TAF3: variants seen among roughly 807,000 people sequenced by gnomAD.
The protein encoded by TAF3 is transcription initiation factor TFIID subunit 3.
In TAF3, 7 loss-of-function variants were observed where a neutral mutation model predicts 80.6. The ratio of observed to expected loss-of-function variants is 0.09; its 90% CI spans 0.05 to 0.16. The LOEUF (loss-of-function observed/expected upper bound fraction) is 0.16, where lower values mean the gene tolerates loss of function less well. Among genes scored for constraint, TAF3 ranks in the 10% least tolerant of loss-of-function variants. The pLI is 1.00. For synonymous variants in TAF3, 444 were observed against 446.1 expected (o/e 1.00, Z 0.06); for missense variants, 921 against 1,140.2 (o/e 0.81, Z 2.77).
intron 4 of TAF3, among the ~76,000 whole-genome samples, chr10:7,978,530 G>A (rs187519395): frequency 7.3e-4 from 111 of 152,298 alleles, no homozygotes; most frequent in African/African-American, 2.6e-3. Flanking sequence ...GGTTGTGCCA[G>A]TAGAGACCTA....
chr10:7,840,097 T>C (rs1259892634), intron 2 of TAF3, among the ~76,000 whole-genome samples: 1 of 152,096 alleles, frequency 6.6e-6, no homozygotes, highest in African/African-American at 2.4e-5. Flanking sequence ...ATTTTTTTTT[T>C]AAGTTTTAAT....
intron 2 of TAF3, among the ~76,000 whole-genome samples, chr10:7,906,863 G>A (rs577234778): frequency 7.9e-5 from 12 of 151,216 alleles, no homozygotes; most frequent in East Asian, 2.0e-4. Flanking sequence ...GACTGCAGGC[G>A]TGCACCACCA....
intron 2 of TAF3, among the ~76,000 whole-genome samples, chr10:7,861,714 C>T (rs935753046): frequency 6.6e-6 from 1 of 152,026 alleles, no homozygotes; most frequent in Non-Finnish European, 1.5e-5. Flanking sequence ...TTTTCTGTTG[C>T]TGCTTTCAGG....
intron 2 of TAF3, among the ~76,000 whole-genome samples, chr10:7,875,765 G>A (rs998867791): frequency 6.6e-6 from 1 of 152,026 alleles, no homozygotes; most frequent in Admixed American, 6.6e-5. Context: ...AAAAGAAAGA[G>A]GAGAAATCTT....
intron 4 of TAF3, 143 bp downstream of exon 4, chr10:7,977,466 A>C: frequency 1.5e-6 from 1 of 659,222 alleles, no homozygotes; most frequent in East Asian, 2.8e-5. Flanking sequence ...CTTCGTTTTC[A>C]AGTTTTTATT....
chr10:8,003,834 C>T (rs1168206584), intron 4 of TAF3, among the ~76,000 whole-genome samples: 1 of 151,966 alleles, frequency 6.6e-6, no homozygotes, highest in East Asian at 1.9e-4. Context: ...TTGCTTGAGC[C>T]CAGGAGTTCA....
Position 7,863,626 on chromosome 10 carries a change from A to ATAT in TAF3, c.409+39066_409+39067insTAT, listed in dbSNP as rs1554778359. On this transcript the variant is annotated intron_variant, in intron 2 of 6. Coordinates refer to ENST00000344293, the MANE Select transcript of TAF3 (RefSeq NM_031923.4). ...CTCTGTCTAAAAAAAAAAAAAAAAA[A>ATAT]ATATATATATATATATATATACACA... Among the ~76,000 whole-genome samples, 184 of 48,086 alleles carry ATAT rather than the reference A, an allele frequency of 3.8e-3. 28 individuals are homozygous for ATAT. The highest frequency in any genetic ancestry group is 0.012 in the African/African-American group (161 of 12,902). 31.5% of individuals were successfully genotyped at this position (48,086 alleles called of 152,430 possible).
chr10:7,963,786 T>TA, intron 2 of TAF3, 134 bp from the exon 3 acceptor site: 2 of 921,042 alleles, frequency 2.2e-6, no homozygotes, highest in East Asian at 5.4e-5. Context: ...TGTGCCCATG[T>TA]ACCCTAGAAC....
In TAF3 at chr10:8,003,779, C is replaced by T. The variant is rs376728822; in HGVS notation, c.2316-5299C>T. On this transcript the variant is annotated intron_variant, in intron 4 of 6. Transcript: ENST00000344293. ...TGCCAGTCTTGGCCAGGCACAGTGGCATGCGCCTGTAATCCCAGCTATTAG... is the reference window on the plus strand; with the variant it reads ...TGCCAGTCTTGGCCAGGCACAGTGGTATGCGCCTGTAATCCCAGCTATTAG... 1.4e-4 allele frequency among the ~76,000 whole-genome samples: 22 copies of T among 152,288 alleles called. No homozygotes were observed. The South Asian group carries it at 4.6e-3, about 32-fold the overall frequency.
chr10:7,995,358 G>C (rs541880607), intron 4 of TAF3, among the ~76,000 whole-genome samples: 1 of 152,166 alleles, frequency 6.6e-6, no homozygotes, highest in Non-Finnish European at 1.5e-5. Flanking sequence ...AGTGGAAGCT[G>C]TATAACAAAA....
At chr10:7,936,389 A>G (rs577854353) in intron 2 of TAF3, among the ~76,000 whole-genome samples, 36 of 152,288 alleles carry the variant, frequency 2.4e-4, no homozygotes, top group Non-Finnish European at 4.0e-4. Context: ...TTACAGTTTA[A>G]AGCATTATAC....
intron 1 of TAF3, among the ~76,000 whole-genome samples, chr10:7,822,312 G>A (rs1227254620): frequency 6.6e-6 from 1 of 151,870 alleles, no homozygotes; most frequent in Non-Finnish European, 1.5e-5. Context: ...TTTGGTTTGA[G>A]GCTGCAAAGC....
chr10:7,886,718 C>T (rs59268670), intron 2 of TAF3, among the ~76,000 whole-genome samples: 5,479 of 152,266 alleles, frequency 0.036, 115 homozygotes, highest in East Asian at 0.084. Context: ...ACTCCTAATA[C>T]GCATTTTAAC....
intron 2 of TAF3, among the ~76,000 whole-genome samples, chr10:7,898,480 A>T (rs1320843652): frequency 6.9e-6 from 1 of 144,374 alleles, no homozygotes; most frequent in East Asian, 2.1e-4. Flanking sequence ...CAGGAGGCAG[A>T]GGTTGCAGTG....
chr10:8,013,960 C>T (rs1832080073), intron 6 of TAF3, 123 bp downstream of exon 6: 2 of 745,224 alleles, frequency 2.7e-6, no homozygotes, highest in Non-Finnish European at 4.5e-6. Context: ...AGGGACAGTA[C>T]ATGGAGTCAA....
intron 2 of TAF3, among the ~76,000 whole-genome samples, chr10:7,949,126 C>T (rs935894262): frequency 6.6e-6 from 1 of 152,186 alleles, no homozygotes; most frequent in Non-Finnish European, 1.5e-5. Flanking sequence ...TAAGTGGGCT[C>T]AGCATTATTG....
At chr10:7,838,744 C>T (rs547029247) in intron 2 of TAF3, among the ~76,000 whole-genome samples, 4 of 152,162 alleles carry the variant, frequency 2.6e-5, no homozygotes, top group East Asian at 1.9e-4. Context: ...TAACATCCGA[C>T]GCTATAAGCC....
chr10:7,932,543 C>T (rs1837877369), intron 2 of TAF3, among the ~76,000 whole-genome samples: 1 of 152,130 alleles, frequency 6.6e-6, no homozygotes. Context: ...CCAGAATCAC[C>T]AGTCAAAACA....
At chr10:7,827,851 A>G (rs1244478) in intron 2 of TAF3, among the ~76,000 whole-genome samples, 114,281 of 151,350 alleles carry the variant, frequency 0.76, 43,686 homozygotes, top group Non-Finnish European at 0.82. Flanking sequence ...CCCAGCTATC[A>G]GAGTCTGTGG....
Sources: gnomAD v4.1 joint callset for allele counts (sites outside exome capture counted in the v4.1 genomes callset) on GRCh38, gnomAD v4.1.1 for gene constraint, MANE v1.5 for transcripts, NCBI Gene and HGNC (gene_info 2026-07-23, HGNC 2026-07-21) for gene names.